The following FAM227A variants were observed in gnomAD, a reference collection of about 807,000 sequenced individuals.
FAM227A encodes the protein family with sequence similarity 227 member A, also known as protein FAM227A.
FAM227A carries 80 observed loss-of-function variants against 74.7 expected under a neutral mutation model. The observed-to-expected ratio is 1.07, with a 90% confidence interval of 0.89 to 1.29. The LOEUF (loss-of-function observed/expected upper bound fraction) is 1.29. Among genes scored for constraint, FAM227A ranks in the 50% most tolerant of loss-of-function variants. The pLI is 0.00. For synonymous variants in FAM227A, 237 were observed against 241.8 expected (o/e 0.98, Z 0.19); for missense variants, 654 against 683.4 (o/e 0.96, Z 0.48).
chr22:38,654,312 A>G (rs911219958), intron 1 of FAM227A, among the ~76,000 whole-genome samples: 2 of 151,628 alleles, frequency 1.3e-5, no homozygotes, highest in African/African-American at 4.9e-5. Context: ...GCGCCACTGC[A>G]CTCCAGCCTG....
intron 13 of FAM227A, among the ~76,000 whole-genome samples, chr22:38,602,271 G>A (rs955914695): frequency 2.0e-5 from 3 of 152,194 alleles, no homozygotes; most frequent in African/African-American, 7.2e-5. Context: ...GTAGGATGCT[G>A]AGGAGCATCC....
At chr22:38,630,424 C>T (rs1270358347) in intron 6 of FAM227A, among the ~76,000 whole-genome samples, 1 of 152,172 alleles carries the variant, frequency 6.6e-6, no homozygotes, top group African/African-American at 2.4e-5. Flanking sequence ...GATTCAAATC[C>T]AGCTCTTTCA....
chr22:38,623,974 T>A (rs1470726738), intron 9 of FAM227A, among the ~76,000 whole-genome samples: 2 of 152,118 alleles, frequency 1.3e-5, no homozygotes, highest in African/African-American at 4.8e-5. Context: ...GGTTTATTAC[T>A]GGGGATAAAT....
At position 38,620,138 on chromosome 22, in the gene FAM227A, T is replaced by C. The variant is rs2091656423; in HGVS notation, c.1038+74A>G. The C allele has an allele frequency of 3.9e-6, 4 of 1,035,798 alleles. No individual in the cohort carries two copies. The Admixed American group carries it at 8.6e-5, about 22-fold the overall frequency. 64.2% of individuals were successfully genotyped at this position (1,035,798 alleles called of 1,614,324 possible). ...TGTGCAACTAACCGGAGGCCACTGA[T>C]GCTCCAGAAGAACCGAGGGTTCCTG... On this transcript the variant is annotated intron_variant, in intron 11 of 16. Transcript: ENST00000535113.
intron 3 of FAM227A, among the ~76,000 whole-genome samples, chr22:38,642,987 T>C (rs2092148080): frequency 6.6e-6 from 1 of 151,266 alleles, no homozygotes. Flanking sequence ...AACGAAATCT[T>C]AAAACTCAAC....
chr22:38,637,880 C>G (rs889865202), intron 5 of FAM227A, among the ~76,000 whole-genome samples: 3 of 152,184 alleles, frequency 2.0e-5, no homozygotes, highest in African/African-American at 7.2e-5. Flanking sequence ...AAAGAACAAG[C>G]TAAGGGCTGG....
At chr22:38,586,887 C>T (rs1473787022) in intron 16 of FAM227A, among the ~76,000 whole-genome samples, 2 of 151,648 alleles carry the variant, frequency 1.3e-5, no homozygotes, top group Non-Finnish European at 2.9e-5. Context: ...ACTATGTTGA[C>T]CAAGATAGTC....
chr22:38,593,687 CTTATGT>C (rs1174030452), intron 15 of FAM227A, among the ~76,000 whole-genome samples: 1 of 151,858 alleles, frequency 6.6e-6, no homozygotes, highest in African/African-American at 2.4e-5. Context: ...GGTCTTCTAC[CTTATGT>C]TTATTTATTT....
At chr22:38,613,092 ATAT>A (rs1193737232) in intron 11 of FAM227A, among the ~76,000 whole-genome samples, 5 of 96,092 alleles carry the variant, frequency 5.2e-5, no homozygotes, top group African/African-American at 1.8e-4. Flanking sequence ...TTATATATAT[ATAT>A]TATATATAAT....
intron 15 of FAM227A, 125 bp from the exon 16 acceptor site, chr22:38,591,665 CAT>C: frequency 1.5e-6 from 1 of 657,772 alleles, no homozygotes; most frequent in Middle Eastern, 2.9e-4. Context: ...TGAAGTATAA[CAT>C]AGAAACTAGG....
rs565247823 is a variant in FAM227A at position 38,597,298 on chromosome 22, G to A, written c.1438C>T (p.Arg480Trp). The change falls in exon 15 of 17, where the codon CGG becomes TGG. Residue 480 changes from arginine (R) to tryptophan (W), a missense_variant. Coordinates refer to ENST00000535113, the MANE Select transcript of FAM227A (RefSeq NM_001013647.2). ...ISETLCSMKK[R>W]KDNLNQLYQH... The stretch of plus-strand genomic sequence containing the variant: ...TACAACTGATTGAGGTTGTCTTTCC[G>A]CTTCTTCATGCTGCACAGGGTCTCG... 3.3e-4 allele frequency: 516 copies of A among 1,551,856 alleles called. No individual in the cohort carries two copies. The highest frequency in any genetic ancestry group is 4.2e-4 in the Non-Finnish European group (485 of 1,146,994).
Position 38,591,446 on chromosome 22 carries a change from T to C in FAM227A, c.1627A>G (p.Lys543Glu), listed in dbSNP as rs942681042. 5 of 1,551,328 alleles carry C rather than the reference T, an allele frequency of 3.2e-6. No homozygotes were observed. The African/African-American group carries it at 6.8e-5, about 21-fold the overall frequency. The change falls in exon 16 of 17, where the codon AAG (lysine) becomes GAG (glutamate). Residue 543 changes from lysine (K) to glutamate (E), a missense_variant. Physicochemically the swap from Lys to Glu is moderately conservative, Grantham distance 56 (BLOSUM62 1). Coordinates refer to ENST00000535113, the MANE Select transcript of FAM227A (RefSeq NM_001013647.2). ...CTTTGGAGACTTCCCTTAGTTTTCTTGTCAGGTGATTCCTCATTGACGGCT... is the reference window on the plus strand; with the variant it reads ...CTTTGGAGACTTCCCTTAGTTTTCTCGTCAGGTGATTCCTCATTGACGGCT... ...PSAVNEESPD[K>E]KTKEGKGGEG...
At chr22:38,645,714 G>T in intron 2 of FAM227A, 69 bp from the exon 3 acceptor site, 1 of 956,340 alleles carries the variant, frequency 1.0e-6, no homozygotes, top group Non-Finnish European at 1.6e-6. Flanking sequence ...GGCTTGTCTG[G>T]TGAGAAGGGC....
intron 3 of FAM227A, among the ~76,000 whole-genome samples, chr22:38,644,622 T>G (rs1039712386): frequency 2.6e-5 from 4 of 151,626 alleles, no homozygotes; most frequent in Admixed American, 2.6e-4. Flanking sequence ...TTGTAAACTC[T>G]GAATGTCGAG....
At chr22:38,602,003 G>A (rs986499312) in intron 13 of FAM227A, among the ~76,000 whole-genome samples, 2 of 152,020 alleles carry the variant, frequency 1.3e-5, no homozygotes, top group African/African-American at 2.4e-5. Flanking sequence ...TGACAATACT[G>A]CTTTTGTGTT....
At chr22:38,615,170 G>A (rs1452958753) in intron 11 of FAM227A, among the ~76,000 whole-genome samples, 3 of 152,168 alleles carry the variant, frequency 2.0e-5, no homozygotes, top group African/African-American at 4.8e-5. Context: ...TTATAGGCAC[G>A]CACTGCCACG....
rs114835955 is a variant in FAM227A at position 38,644,583 on chromosome 22, T to A, written c.225+980A>T. 3.5e-3 allele frequency among the ~76,000 whole-genome samples: 493 copies of A among 140,552 alleles called. 3 individuals carry two copies. The highest frequency in any genetic ancestry group is 0.012 in the African/African-American group (468 of 38,156). The allele number at this position is 140,552 out of a possible 152,430, so 92.2% of individuals were successfully genotyped here. On this transcript the variant is annotated intron_variant, in intron 3 of 16. Transcript: ENST00000535113. ...GATACATGTCATCATTTGTCCAAAT[T>A]CGTAGAATGTACAACACCAAGAATC...
At chr22:38,619,917 A>G (rs562778841) in intron 11 of FAM227A, among the ~76,000 whole-genome samples, 1 of 151,420 alleles carries the variant, frequency 6.6e-6, no homozygotes, top group East Asian at 1.9e-4. Flanking sequence ...ATTAGTGGAG[A>G]AAAAAAAATA....
intron 16 of FAM227A, 150 bp from the exon 17 acceptor site, chr22:38,586,349 C>T (rs1022016590): frequency 8.3e-6 from 7 of 842,012 alleles, no homozygotes; most frequent in South Asian, 3.6e-5. Flanking sequence ...AGAAAGTGGT[C>T]GAGCAGGACA....
Sources: allele counts gnomAD v4.1 joint callset (sites outside exome capture counted in the v4.1 genomes callset), GRCh38; gene constraint gnomAD v4.1.1; transcripts MANE v1.5; gene names NCBI Gene and HGNC (gene_info 2026-07-23, HGNC 2026-07-21).